The following PCCA variants were observed in gnomAD, a reference collection of about 807,000 sequenced individuals.
The protein encoded by PCCA is propionyl-CoA carboxylase alpha chain, mitochondrial.
PCCA carries 74 observed loss-of-function variants against 101.3 expected under a neutral mutation model. The ratio of observed to expected loss-of-function variants is 0.73; its 90% CI spans 0.61 to 0.89. PCCA has a LOEUF of 0.89. Among genes scored for constraint, PCCA ranks in the 40% least tolerant of loss-of-function variants. The pLI, the probability that PCCA is intolerant of heterozygous loss-of-function variation, is 0.00. For missense variants in PCCA, 891 were observed against 907.0 expected (o/e 0.98, Z 0.23); for synonymous variants, 294 against 313.6 (o/e 0.94, Z 0.66).
chr13:100,484,898 G>C (rs2084249312), intron 21 of PCCA, among the ~76,000 whole-genome samples: 1 of 150,974 alleles, frequency 6.6e-6, no homozygotes, highest in Admixed American at 6.6e-5. Context: ...GTGGTGACTG[G>C]TTTGGTTTTT....
chr13:100,328,355 C>T (rs1200608274), intron 16 of PCCA, among the ~76,000 whole-genome samples: 1 of 143,166 alleles, frequency 7.0e-6, no homozygotes, highest in Non-Finnish European at 1.5e-5. Flanking sequence ...AGAGTGAGAC[C>T]CTGTCTCAAA....
chr13:100,148,365 T>A (rs2052842278), intron 4 of PCCA, among the ~76,000 whole-genome samples: 1 of 152,220 alleles, frequency 6.6e-6, no homozygotes, highest in African/African-American at 2.4e-5. Flanking sequence ...GCTGTCACTC[T>A]GCCTCTCCTA....
intron 4 of PCCA, among the ~76,000 whole-genome samples, chr13:100,124,418 C>G (rs375325740): frequency 2.0e-5 from 3 of 152,200 alleles, no homozygotes; most frequent in East Asian, 3.8e-4. Context: ...TGACTCACAT[C>G]TTACCCAGGC....
At chr13:100,401,759 GA>G (rs1460667450) in intron 19 of PCCA, among the ~76,000 whole-genome samples, 1 of 152,014 alleles carries the variant, frequency 6.6e-6, no homozygotes, top group Non-Finnish European at 1.5e-5. Context: ...CAAGACTCCT[GA>G]AAAAGTGCCA....
chr13:100,309,778 T>G, intron 15 of PCCA, 55 bp from the exon 16 acceptor site: 2 of 1,108,958 alleles, frequency 1.8e-6, no homozygotes, highest in Admixed American at 2.0e-5. Flanking sequence ...AATGAATCAT[T>G]TAACATAGTT....
At chr13:100,517,108 C>T (rs868803890) in intron 22 of PCCA, among the ~76,000 whole-genome samples, 4 of 130,420 alleles carry the variant, frequency 3.1e-5, no homozygotes, top group African/African-American at 5.7e-5. Context: ...AAGTGTTTTC[C>T]TTAAATCCTT....
At chr13:100,483,213 A>T (rs1596115065) in intron 21 of PCCA, among the ~76,000 whole-genome samples, 1 of 152,094 alleles carries the variant, frequency 6.6e-6, no homozygotes, top group African/African-American at 2.4e-5. Context: ...AAGAAATACC[A>T]TCTAAGTCTT....
At chr13:100,183,004 G>C (rs1186120308) in intron 6 of PCCA, among the ~76,000 whole-genome samples, 1 of 152,152 alleles carries the variant, frequency 6.6e-6, no homozygotes, top group Admixed American at 6.5e-5. Flanking sequence ...GGGACAGTAT[G>C]ATAATTGCAG....
At chr13:100,268,918 C>T (rs567883694) in intron 11 of PCCA, 135 bp downstream of exon 11, 132 of 729,520 alleles carry the variant, frequency 1.8e-4, no homozygotes, top group Non-Finnish European at 2.8e-4. Flanking sequence ...GGTGCAATCA[C>T]GGCTCACTGC....
chr13:100,242,382 A>T (rs2061193400), intron 8 of PCCA, among the ~76,000 whole-genome samples: 1 of 152,192 alleles, frequency 6.6e-6, no homozygotes, highest in African/African-American at 2.4e-5. Flanking sequence ...ATGGCCCTAA[A>T]ATATTTGAGA....
chr13:100,372,632 C>G (rs1347733352), intron 19 of PCCA, among the ~76,000 whole-genome samples: 2 of 152,124 alleles, frequency 1.3e-5, no homozygotes, highest in African/African-American at 4.8e-5. Context: ...CCTTCTTACT[C>G]TGTTTTTTTC....
chr13:100,112,910 A>G (rs560344859), intron 4 of PCCA, among the ~76,000 whole-genome samples: 1 of 152,256 alleles, frequency 6.6e-6, no homozygotes, highest in African/African-American at 2.4e-5. Context: ...TAATGTTATG[A>G]ATGAGTAGAA....
intron 18 of PCCA, among the ~76,000 whole-genome samples, chr13:100,364,964 A>G (rs2075021219): frequency 6.6e-6 from 1 of 152,182 alleles, no homozygotes. Context: ...CAGAAGGATC[A>G]TTTGAGCCCA....
At chr13:100,204,389 C>T (rs2058729141) in intron 6 of PCCA, among the ~76,000 whole-genome samples, 1 of 152,224 alleles carries the variant, frequency 6.6e-6, no homozygotes, top group African/African-American at 2.4e-5. Context: ...GCTCACCTGC[C>T]TCGGCCTCCC....
intron 2 of PCCA, among the ~76,000 whole-genome samples, chr13:100,111,368 G>A (rs1189971670): frequency 1.3e-5 from 2 of 151,630 alleles, no homozygotes; most frequent in Non-Finnish European, 2.9e-5. Context: ...TTACCGTGTT[G>A]GTCAGGCTGG....
intron 20 of PCCA, among the ~76,000 whole-genome samples, chr13:100,434,873 A>T (rs2079815222): frequency 6.6e-6 from 1 of 152,212 alleles, no homozygotes; most frequent in East Asian, 1.9e-4. Context: ...TTCTAAGCTT[A>T]AGAATTCGAC....
At chr13:100,376,003 G>C (rs1292338562) in intron 19 of PCCA, among the ~76,000 whole-genome samples, 3 of 152,196 alleles carry the variant, frequency 2.0e-5, no homozygotes, top group Non-Finnish European at 2.9e-5. Flanking sequence ...TTTGATGTTG[G>C]TGACCTTCGG....
At chr13:100,396,461 T>C (rs2077050411) in intron 19 of PCCA, among the ~76,000 whole-genome samples, 1 of 152,232 alleles carries the variant, frequency 6.6e-6, no homozygotes, top group African/African-American at 2.4e-5. Flanking sequence ...TTTTGCTTTT[T>C]AAAAGAAGCT....
intron 21 of PCCA, among the ~76,000 whole-genome samples, chr13:100,487,899 TAAAA>T (rs71199602): frequency 4.8e-4 from 71 of 149,138 alleles, no homozygotes; most frequent in South Asian, 8.4e-4. Flanking sequence ...CTAATTAAAA[TAAAA>T]AAAAAATGTA....
Sources: allele counts gnomAD v4.1 joint callset (sites outside exome capture counted in the v4.1 genomes callset), GRCh38; gene constraint gnomAD v4.1.1; transcripts MANE v1.5; gene names NCBI Gene and HGNC (gene_info 2026-07-23, HGNC 2026-07-21).